Variants in CACNA1B observed in about 807,000 individuals in gnomAD.
CACNA1B encodes voltage-dependent N-type calcium channel subunit alpha-1B.
Under a neutral mutation model 247.2 loss-of-function variants are expected in CACNA1B, and 70 were observed. That is an observed-to-expected ratio of 0.28 (90% CI 0.23 to 0.35). CACNA1B has a LOEUF of 0.35. CACNA1B is among the 10% of genes least tolerant of loss of function. The pLI is 1.00. For missense variants in CACNA1B, 2,367 were observed against 3,197.4 expected (o/e 0.74, Z 6.26); for synonymous variants, 1,231 against 1,294.4 (o/e 0.95, Z 1.05).
chr9:137,996,870 A>AAAATACAGATCACTTCTGC (rs946752352), intron 15 of CACNA1B, among the ~76,000 whole-genome samples: 3 of 152,214 alleles, frequency 2.0e-5, no homozygotes, highest in Non-Finnish European at 4.4e-5. Flanking sequence ...TCAGAAAAGA[A>AAAATACAGATCACTTCTGC]AAATACAGAT....
At chr9:137,912,432 G>A (rs1341645000) in intron 3 of CACNA1B, among the ~76,000 whole-genome samples, 1 of 152,232 alleles carries the variant, frequency 6.6e-6, no homozygotes, top group African/African-American at 2.4e-5. Flanking sequence ...TAGCATTTCA[G>A]TGGAGAGGTG....
Position 138,115,597 on chromosome 9 carries a change from C to A in CACNA1B, c.5695C>A (p.Gln1899Lys), listed in dbSNP as rs1340796516. Reference protein sequence around the residue: ...LFHPLKATLEQTQPAVLRGAR... With the variant: ...LFHPLKATLEKTQPAVLRGAR... ...CCACCCTCTGAAGGCCACCCTGGAG[C>A]AGACACAGCCGGCTGTGCTCCGAGG... Residue 1899 changes from glutamine to lysine, a missense_variant, in exon 42 of 47, where the codon CAG becomes AAG. By Grantham distance (53) the Gln-to-Lys change is moderately conservative. Around this residue, in one of 12 missense-constraint regions of CACNA1B, gnomAD observed 773 missense variants for 779.4 expected, o/e 0.99. Transcript: ENST00000371372. 1.2e-6 allele frequency: 2 copies of A among 1,613,662 alleles called. No individual in the cohort carries two copies. The highest frequency in any genetic ancestry group is 1.7e-6 in the Non-Finnish European group (2 of 1,179,736).
intron 3 of CACNA1B, among the ~76,000 whole-genome samples, chr9:137,910,151 A>C (rs1011069430): frequency 3.9e-5 from 6 of 152,148 alleles, no homozygotes; most frequent in Admixed American, 2.0e-4. Context: ...AGTGATGTTG[A>C]GCATCTTTTC....
At chr9:137,972,109 G>T (rs896340877) in intron 11 of CACNA1B, among the ~76,000 whole-genome samples, 1 of 152,198 alleles carries the variant, frequency 6.6e-6, no homozygotes, top group Non-Finnish European at 1.5e-5. Flanking sequence ...AAATCTGGAT[G>T]CATTCATGCC....
chr9:137,952,880 G>A lies in CACNA1B; in HGVS notation c.1070+503G>A, dbSNP rs557288275. Among the ~76,000 whole-genome samples the A allele has an allele frequency of 2.6e-5, 4 of 152,212 alleles. No homozygotes were observed. The South Asian group carries it at 6.2e-4, about 24-fold the overall frequency. On this transcript the variant is annotated intron_variant, in intron 7 of 46. Coordinates refer to ENST00000371372, the MANE Select transcript of CACNA1B (RefSeq NM_000718.4). The surrounding 1 kb of genome is among the most constrained non-coding windows in gnomAD (Gnocchi z 4.8). Reference sequence around the variant, plus strand: ...CACAGAGAGCCCCTCTGTTACTGTGGTGAGAAATAACTGGGGGCACCCTGA... The same window carrying A: ...CACAGAGAGCCCCTCTGTTACTGTGATGAGAAATAACTGGGGGCACCCTGA...
chr9:137,947,975 C>CTTTTTTTT lies in CACNA1B; in HGVS notation c.967-4283_967-4276dup, dbSNP rs71387878. Among the ~76,000 whole-genome samples, 25 of 79,432 alleles carry CTTTTTTTT rather than the reference C, an allele frequency of 3.1e-4. 1 individual carries two copies. The highest frequency in any genetic ancestry group is 4.8e-4 in the African/African-American group (8 of 16,836). The allele number at this position is 79,432 out of a possible 152,430, so 52.1% of individuals were successfully genotyped here. ...TAAAGTTGAGAAGTTTTCAGCATTC[C>CTTTTTTTT]TTTTTTTTTTTTTTTTTTTTTTTGA... is the stretch of plus-strand genomic sequence containing the variant. On this transcript the variant is annotated intron_variant, in intron 6 of 46. Coordinates refer to ENST00000371372, the MANE Select transcript of CACNA1B (RefSeq NM_000718.4).
In CACNA1B at chr9:138,059,769, C is replaced by T. The variant is rs2133507860; in HGVS notation, c.4668+32C>T. The T allele has an allele frequency of 1.5e-6, 2 of 1,322,832 alleles. No homozygotes were observed. The highest frequency in any genetic ancestry group is 4.6e-5 in the East Asian group (2 of 43,528). The allele number at this position is 1,322,832 out of a possible 1,614,324, so 81.9% of individuals were successfully genotyped here. On this transcript the variant is annotated intron_variant, in intron 31 of 46. Coordinates refer to ENST00000371372, the MANE Select transcript of CACNA1B (RefSeq NM_000718.4). This position sits in a 1 kb window ranked among gnomAD's most constrained non-coding sequence, Gnocchi z 4.2. Reference sequence around the variant, plus strand: ...AGCATTTCTGTCCCTCCTTCAGGGTCCCCAGGTGGTTTCCTTCTAGAGCCT... The same window carrying T: ...AGCATTTCTGTCCCTCCTTCAGGGTTCCCAGGTGGTTTCCTTCTAGAGCCT...
chr9:138,080,071 G>A (rs1465919938), intron 36 of CACNA1B, among the ~76,000 whole-genome samples: 3 of 152,310 alleles, frequency 2.0e-5, no homozygotes, highest in Admixed American at 2.0e-4. Context: ...AACACCTCAA[G>A]CCTGTGGCCC....
Position 138,058,037 on chromosome 9 carries a change from C to A in CACNA1B, c.4107-12C>A, listed in dbSNP as rs1442948114. ...GGGGGTTCCCCTGACACTTGCTCTC[C>A]TCTTTGCCCAGGGTGCTGAAACACT... On this transcript the variant is annotated splice_polypyrimidine_tract_variant and intron_variant, in intron 27 of 46. Coordinates refer to ENST00000371372, the MANE Select transcript of CACNA1B (RefSeq NM_000718.4). The surrounding 1 kb of genome is among the most constrained non-coding windows in gnomAD (Gnocchi z 4.7). 2 of 1,611,568 alleles carry A rather than the reference C, an allele frequency of 1.2e-6. No homozygotes were observed. The highest frequency in any genetic ancestry group is 2.2e-5 in the South Asian group (2 of 91,026).
At chr9:138,068,580 T>C (rs1350138065) in intron 31 of CACNA1B, 4 of 518,760 alleles carry the variant, frequency 7.7e-6, no homozygotes, top group Non-Finnish European at 1.5e-5. Context: ...GTGGGCTGCA[T>C]TGCTGATTCC....
rs141741530 is a variant in CACNA1B at position 137,920,394 on chromosome 9, G to A, written c.966+2963G>A. On this transcript the variant is annotated intron_variant, in intron 6 of 46. Transcript: ENST00000371372. ...GTATTTTTAGTGGAGACAGGGTTTC[G>A]CCATGTTGGCCAGGCTGGTCTTGAA... 5.9e-3 allele frequency among the ~76,000 whole-genome samples: 892 copies of A among 152,084 alleles called. 5 individuals are homozygous for A. The highest frequency in any genetic ancestry group is 0.02 in the African/African-American group (811 of 41,486).
intron 15 of CACNA1B, among the ~76,000 whole-genome samples, chr9:137,987,288 C>A (rs933751406): frequency 2.6e-5 from 4 of 152,170 alleles, no homozygotes; most frequent in African/African-American, 7.2e-5. Context: ...AAACTACCCC[C>A]CTCAGCTCCT....
intron 42 of CACNA1B, among the ~76,000 whole-genome samples, chr9:138,117,292 G>GC (rs56726000): frequency 1.3e-5 from 2 of 151,926 alleles, no homozygotes; most frequent in African/African-American, 4.8e-5. Context: ...CTTGGGGGGG[G>GC]GGTCAGAGAA....
intron 15 of CACNA1B, among the ~76,000 whole-genome samples, chr9:137,999,362 G>T (rs1428862342): frequency 1.3e-5 from 2 of 152,088 alleles, no homozygotes; most frequent in African/African-American, 4.8e-5. Flanking sequence ...TGAAGGATTT[G>T]GGAGTAAAGA....
intron 6 of CACNA1B, among the ~76,000 whole-genome samples, chr9:137,922,424 G>A (rs1045349010): frequency 6.6e-6 from 1 of 152,212 alleles, no homozygotes; most frequent in African/African-American, 2.4e-5. Flanking sequence ...AGAGTAAAGC[G>A]TTCGGAGAAC....
At position 137,997,229 on chromosome 9, in the gene CACNA1B, T is replaced by C. The variant is rs545413946; in HGVS notation, c.1975-9538T>C. On this transcript the variant is annotated intron_variant, in intron 15 of 46. Transcript: ENST00000371372. ...CTCCACTCTGTGTATGCTTCAAATG[T>C]CCGTGATAATTTTTTTTTAAGTAAG... 2.6e-5 allele frequency among the ~76,000 whole-genome samples: 4 copies of C among 152,332 alleles called. No homozygotes were observed. The South Asian group carries it at 8.3e-4, about 32-fold the overall frequency.
chr9:138,119,561 A>G (rs1449261708), intron 44 of CACNA1B, among the ~76,000 whole-genome samples: 1 of 152,132 alleles, frequency 6.6e-6, no homozygotes, highest in Admixed American at 6.5e-5. Context: ...TGCTGTGGCC[A>G]GCAAACCCTT....
intron 10 of CACNA1B, among the ~76,000 whole-genome samples, chr9:137,960,853 C>T (rs960621277): frequency 2.6e-5 from 4 of 152,034 alleles, no homozygotes; most frequent in Admixed American, 6.6e-5. Context: ...TTCTCCACAA[C>T]CTCTCCATCA....
intron 6 of CACNA1B, among the ~76,000 whole-genome samples, chr9:137,934,756 A>G (rs1957645810): frequency 6.6e-6 from 1 of 152,228 alleles, no homozygotes; most frequent in Non-Finnish European, 1.5e-5. Context: ...TCAGGAAGCC[A>G]CAGCTCTAGG....
Sources: allele counts gnomAD v4.1 joint callset (sites outside exome capture counted in the v4.1 genomes callset), GRCh38; gene constraint gnomAD v4.1.1; regional missense constraint gnomAD v4.1.1; non-coding constraint Gnocchi (gnomAD v3.1); transcripts MANE v1.5; gene names NCBI Gene and HGNC (gene_info 2026-07-23, HGNC 2026-07-21).